PER3: variants seen among roughly 807,000 people sequenced by gnomAD.
PER3 encodes period circadian protein homolog 3.
In PER3, 107 loss-of-function variants were observed where a neutral mutation model predicts 127.2. The ratio of observed to expected loss-of-function variants is 0.84; its 90% confidence interval spans 0.72 to 0.99. PER3 has a LOEUF of 0.99. Ranked by LOEUF, PER3 falls within the 50% of genes least tolerant of loss-of-function variation. PER3 has a pLI of 0.00. For synonymous variants in PER3, 618 were observed against 585.8 expected (o/e 1.05, Z -0.79); for missense variants, 1,560 against 1,525.8 (o/e 1.02, Z -0.37).
chr1:7,829,735 T>A, intron 18 of PER3, 99 bp from the exon 19 acceptor site: 1 of 964,682 alleles, frequency 1.0e-6, no homozygotes, highest in South Asian at 1.6e-5. Flanking sequence ...TGACCACAGG[T>A]AACTGAAACT....
At chr1:7,832,786 C>G (rs12035969) in intron 19 of PER3, among the ~76,000 whole-genome samples, 7 of 150,924 alleles carry the variant, frequency 4.6e-5, no homozygotes, top group African/African-American at 9.7e-5. Context: ...TTTTTCCCCC[C>G]CAATATAAAC....
intron 5 of PER3, among the ~76,000 whole-genome samples, chr1:7,791,450 G>T (rs2097120602): frequency 6.6e-6 from 1 of 152,206 alleles, no homozygotes; most frequent in African/African-American, 2.4e-5. Flanking sequence ...GAGCAGTGGG[G>T]GCCTGGACAG....
At chr1:7,817,822 A>G (rs1041248882) in intron 13 of PER3, among the ~76,000 whole-genome samples, 3 of 152,260 alleles carry the variant, frequency 2.0e-5, no homozygotes, top group African/African-American at 7.2e-5. Flanking sequence ...AACTTTGAGA[A>G]GTTTAAAAGA....
At chr1:7,823,649 C>CA (rs1049511155) in intron 16 of PER3, among the ~76,000 whole-genome samples, 66 of 117,308 alleles carry the variant, frequency 5.6e-4, no homozygotes, top group Admixed American at 8.7e-4. Flanking sequence ...AACTCCATCT[C>CA]AAAAAAAAAA....
chr1:7,806,812 A>AATATATATAT lies in PER3; in HGVS notation c.1137-2066_1137-2057dup, dbSNP rs1553309917. Among the ~76,000 whole-genome samples the AATATATATAT allele has an allele frequency of 7.4e-4, 45 of 60,622 alleles. 1 individual carries two copies. The highest frequency in any genetic ancestry group is 1.7e-3 in the African/African-American group (25 of 14,664). The allele number at this position is 60,622 out of a possible 152,430, so 39.8% of individuals were successfully genotyped here. A position where few individuals can be genotyped will look rare whatever the true frequency, so the allele number is the denominator to read the frequency against. On this transcript the variant is annotated intron_variant, in intron 10 of 21. Coordinates refer to ENST00000377532, the MANE Select transcript of PER3 (RefSeq NM_001377275.1). ...CTGTCTCTTAAAAAAAAAAAAAAAA[A>AATATATATAT]ATATATATATATATATATATATATT...
intron 6 of PER3, among the ~76,000 whole-genome samples, chr1:7,797,432 T>G (rs2097150461): frequency 6.6e-6 from 1 of 152,082 alleles, no homozygotes; most frequent in Non-Finnish European, 1.5e-5. Context: ...GTCAGGAGTT[T>G]GAGACCAGCC....
chr1:7,831,031 G>A (rs184567871), intron 19 of PER3, among the ~76,000 whole-genome samples: 3 of 152,310 alleles, frequency 2.0e-5, no homozygotes, highest in Non-Finnish European at 2.9e-5. Flanking sequence ...GAATGAAATT[G>A]TGTTGAATCT....
rs1030112945 is a variant in PER3, at chr1:7,844,032, T to A, written c.*1277T>A. 3.8e-6 allele frequency: 4 copies of A among 1,058,340 alleles called. No homozygotes were observed. The African/African-American group carries it at 6.9e-5, about 18-fold the overall frequency. 65.6% of individuals were successfully genotyped at this position (1,058,340 alleles called of 1,614,324 possible). A position where few individuals can be genotyped will look rare whatever the true frequency, so the allele number is the denominator to read the frequency against. Reference sequence around the variant, plus strand: ...TTATATAACTTGCAACAAACTAATTTATTTTTTTTTCCTTTTTTTGTTTTT... The same window carrying A: ...TTATATAACTTGCAACAAACTAATTAATTTTTTTTTCCTTTTTTTGTTTTT... On this transcript the variant is annotated 3_prime_UTR_variant, in exon 22 of 22. Transcript: ENST00000377532.
intron 13 of PER3, among the ~76,000 whole-genome samples, chr1:7,811,865 C>T (rs1380001829): frequency 6.6e-6 from 1 of 152,098 alleles, no homozygotes. Flanking sequence ...TTTCTTTTCA[C>T]CTCGATAGGA....
rs375796183 is a variant in PER3 at position 7,842,791 on chromosome 1, G to A, written c.*36G>A. On this transcript the variant is annotated 3_prime_UTR_variant, in exon 22 of 22. Transcript: ENST00000377532. ...GGATGAACCTTCATACCCTTTCCAA[G>A]ACGTGTTACACAGACAGACCTTTTT... 1.3e-6 allele frequency: 2 copies of A among 1,594,800 alleles called. No individual in the cohort carries two copies. Among genetic ancestry groups the A allele is most frequent in the Non-Finnish European group, 1.7e-6 (2 of 1,165,290 alleles).
At chr1:7,786,120 G>A (rs2097088905) in intron 3 of PER3, among the ~76,000 whole-genome samples, 1 of 152,192 alleles carries the variant, frequency 6.6e-6, no homozygotes, top group Non-Finnish European at 1.5e-5. Context: ...GCCGGGTGTG[G>A]TGGCGGGCGC....
chr1:7,785,805 T>C (rs1577594167), intron 3 of PER3, among the ~76,000 whole-genome samples: 1 of 152,360 alleles, frequency 6.6e-6, no homozygotes, highest in East Asian at 1.9e-4. Flanking sequence ...ATAATACCTA[T>C]GCAATGTTTT....
At chr1:7,809,737 C>T (rs558842944) in intron 11 of PER3, among the ~76,000 whole-genome samples, 156 bp from the exon 12 acceptor site, 1 of 152,310 alleles carries the variant, frequency 6.6e-6, no homozygotes, top group African/African-American at 2.4e-5. Flanking sequence ...GAGTGCCTTT[C>T]GTGTCAGCAT....
intron 19 of PER3, among the ~76,000 whole-genome samples, chr1:7,834,921 C>T (rs1257467180): frequency 6.6e-6 from 1 of 152,104 alleles, no homozygotes; most frequent in African/African-American, 2.4e-5. Context: ...AAGGAATGAT[C>T]CATAAGGCTT....
chr1:7,815,991 C>CAAAAAAAAAAAAAAAAAAAAAAAAAAAA (rs34144861), intron 13 of PER3, among the ~76,000 whole-genome samples: 7 of 67,660 alleles, frequency 1.0e-4, no homozygotes, highest in Admixed American at 8.5e-4. Flanking sequence ...GACTCCGTCT[C>CAAAAAAAAAAAAAAAAAAAAAAAAAAAA]AAAAAAAAAA....
At position 7,837,136 on chromosome 1, in the gene PER3, A is replaced by G; in HGVS notation, c.3536A>G (p.Glu1179Gly). The G allele has an allele frequency of 6.2e-7, 1 of 1,613,326 alleles. No individual in the cohort carries two copies. The highest frequency in any genetic ancestry group is 1.1e-5 in the South Asian group (1 of 90,834). Residue 1179 changes from glutamate (E) to glycine (G), a missense_variant, in exon 21 of 22, where the codon GAA (glutamate) becomes GGA (glycine). Glu to Gly is a moderately conservative substitution (Grantham distance 98). Coordinates refer to ENST00000377532, the MANE Select transcript of PER3 (RefSeq NM_001377275.1). ...NWIQSQTVTQ[E>G]IDIQACVTCE... ...ATTCAAAGCCAGACTGTCACTCAAG[A>G]AATCGACATTCAAGTAAGCACAGTA...
At chr1:7,840,080 T>G (rs1392455980) in intron 21 of PER3, among the ~76,000 whole-genome samples, 1 of 152,170 alleles carries the variant, frequency 6.6e-6, no homozygotes, top group Non-Finnish European at 1.5e-5. Flanking sequence ...CTTTTTTCTT[T>G]CTGTTCGTCG....
At chr1:7,821,195 A>G (rs1322153560) in intron 16 of PER3, among the ~76,000 whole-genome samples, 1 of 152,238 alleles carries the variant, frequency 6.6e-6, no homozygotes, top group Non-Finnish European at 1.5e-5. Context: ...TTCATCACTC[A>G]TAACAATTTG....
chr1:7,829,119 G>A (rs1198046494), intron 18 of PER3, among the ~76,000 whole-genome samples: 1 of 152,208 alleles, frequency 6.6e-6, no homozygotes, highest in Non-Finnish European at 1.5e-5. Flanking sequence ...GCCAGTTACA[G>A]TAGTCTCCCT....
Sources: allele counts gnomAD v4.1 joint callset (sites outside exome capture counted in the v4.1 genomes callset), GRCh38; gene constraint gnomAD v4.1.1; transcripts MANE v1.5; gene names NCBI Gene and HGNC (gene_info 2026-07-23, HGNC 2026-07-21).